Variants in TPTE2 observed in about 807,000 individuals in gnomAD.
TPTE2 encodes the protein phosphatidylinositol 3,4,5-trisphosphate 3-phosphatase TPTE2.
A neutral mutation model predicts 78.6 loss-of-function variants in TPTE2; 53 were observed. The ratio of observed to expected loss-of-function variants is 0.67; its 90% CI spans 0.54 to 0.85. The LOEUF (loss-of-function observed/expected upper bound fraction) is 0.85, where lower values mean the gene tolerates loss of function less well. Among genes scored for constraint, TPTE2 ranks in the 40% least tolerant of loss-of-function variants. TPTE2 has a pLI of 0.00. For synonymous variants in TPTE2, 175 were observed against 206.2 expected (o/e 0.85, Z 1.30); for missense variants, 461 against 623.0 (o/e 0.74, Z 2.77).
Position 19,440,777 on chromosome 13 carries a change from A to G in TPTE2, c.974-2624T>C, listed in dbSNP as rs144706119. Among the ~76,000 whole-genome samples, 515 of 151,718 alleles carry G rather than the reference A, an allele frequency of 3.4e-3. 4 individuals carry two copies. Among genetic ancestry groups the G allele is most frequent in the African/African-American group, 0.012 (489 of 41,342 alleles). On this transcript the variant is annotated intron_variant, in intron 13 of 19. Transcript: ENST00000400230. Reference sequence around the variant, plus strand: ...GCAAGACTCCATCTCAAAAACAAACAAGCAAACAAACAAACAAACAAAAAA... The same window carrying G: ...GCAAGACTCCATCTCAAAAACAAACGAGCAAACAAACAAACAAACAAAAAA...
intron 14 of TPTE2, among the ~76,000 whole-genome samples, chr13:19,437,082 C>A: frequency 7.1e-6 from 1 of 140,252 alleles, no homozygotes; most frequent in East Asian, 2.2e-4. Flanking sequence ...AATATTTAAA[C>A]CTTTTGATAT....
At chr13:19,554,307 G>A in the TPTE2 span, among the ~76,000 whole-genome samples, 4 of 151,926 alleles carry the variant, frequency 2.6e-5, no homozygotes, top group Middle Eastern at 3.4e-3. Flanking sequence ...CCCAGGAGGC[G>A]GAGCTTGCAG....
At chr13:19,424,302 T>C (rs1875843623) in intron 19 of TPTE2, among the ~76,000 whole-genome samples, 1 of 152,236 alleles carries the variant, frequency 6.6e-6, no homozygotes, top group African/African-American at 2.4e-5. Flanking sequence ...AGTGGAGAAC[T>C]TCTAGACTGA....
At chr13:19,470,627 G>A (rs1879552163) in intron 6 of TPTE2, among the ~76,000 whole-genome samples, 1 of 151,916 alleles carries the variant, frequency 6.6e-6, no homozygotes, top group Non-Finnish European at 1.5e-5. Context: ...CCAGGTTCAA[G>A]TGATTCTCCT....
chr13:19,482,400 T>A (rs1880412459), intron 4 of TPTE2, 88 bp downstream of exon 7: 1 of 1,481,196 alleles, frequency 6.8e-7, no homozygotes, highest in South Asian at 1.3e-5. Flanking sequence ...GTTTCCCTTT[T>A]TCCTTCTTGC....
intron 13 of TPTE2, among the ~76,000 whole-genome samples, chr13:19,446,812 T>C (rs1206777414): frequency 6.6e-6 from 1 of 151,986 alleles, no homozygotes; most frequent in East Asian, 1.9e-4. Context: ...ATGGTGATGC[T>C]CACCTGTAGT....
At chr13:19,529,050 G>C (rs112022381) in intron 1 of TPTE2, among the ~76,000 whole-genome samples, 2 of 152,158 alleles carry the variant, frequency 1.3e-5, no homozygotes, top group African/African-American at 4.8e-5. Context: ...ACCCAGAGGC[G>C]GGGGTTGCAG....
intron 4 of TPTE2, among the ~76,000 whole-genome samples, chr13:19,477,807 C>A (rs1218789268): frequency 1.3e-5 from 2 of 152,150 alleles, no homozygotes; most frequent in Non-Finnish European, 2.9e-5. Flanking sequence ...TATGTAAATG[C>A]AGCTTCAAGC....
At chr13:19,469,864 T>C (rs1174958557) in intron 6 of TPTE2, among the ~76,000 whole-genome samples, 2 of 152,234 alleles carry the variant, frequency 1.3e-5, no homozygotes, top group Admixed American at 1.3e-4. Context: ...GATTTTTGTA[T>C]ATTGATTTTG....
intron 1 of TPTE2, among the ~76,000 whole-genome samples, chr13:19,495,249 G>A (rs577846487): frequency 6.6e-6 from 1 of 152,300 alleles, no homozygotes; most frequent in South Asian, 2.1e-4. Flanking sequence ...GGTGGGTATG[G>A]GCAAAGGCAG....
chr13:19,482,537 G>A lies in TPTE2; in HGVS notation c.130C>T (p.Arg44Ter), dbSNP rs562416483. The change falls in exon 4 of 20, where the codon CGA (arginine) becomes TGA (stop). Residue 44 changes from arginine (R) to a stop codon, truncating the protein, a stop_gained. Coordinates refer to ENST00000400230, the Ensembl canonical transcript of TPTE2. LOFTEE classifies it high-confidence loss of function. ...TCTTCAACTTCAAACTTGGAAAGTC[G>A]TTCTAACATACTTTAGCCACCAAAA... 30 of 1,611,188 alleles carry A rather than the reference G, an allele frequency of 1.9e-5. No homozygotes were observed. The highest frequency in any genetic ancestry group is 6.7e-5 in the East Asian group (3 of 44,624).
chr13:19,454,685 T>C (rs537993154), intron 10 of TPTE2, among the ~76,000 whole-genome samples: 1 of 152,304 alleles, frequency 6.6e-6, no homozygotes, highest in African/African-American at 2.4e-5. Flanking sequence ...CCCAAGGAGA[T>C]AACAGTTTAA....
intron 6 of TPTE2, among the ~76,000 whole-genome samples, chr13:19,469,227 A>T (rs1879461803): frequency 6.6e-6 from 1 of 152,182 alleles, no homozygotes; most frequent in African/African-American, 2.4e-5. Context: ...GTCTAGGTGC[A>T]TTCTTCTGTA....
upstream of TPTE2, among the ~76,000 whole-genome samples, chr13:19,504,812 C>T (rs1265576292): frequency 6.6e-6 from 1 of 152,024 alleles, no homozygotes; most frequent in Non-Finnish European, 1.5e-5. Context: ...TAATCTTCAT[C>T]CCTCTTTCTG....
At chr13:19,549,315 C>T in the TPTE2 span, among the ~76,000 whole-genome samples, 2 of 152,010 alleles carry the variant, frequency 1.3e-5, no homozygotes, top group Non-Finnish European at 2.9e-5. Flanking sequence ...GAAGCAAAAA[C>T]AATCAACCCT....
At chr13:19,448,708 T>C (rs949648084) in intron 13 of TPTE2, among the ~76,000 whole-genome samples, 3 of 152,176 alleles carry the variant, frequency 2.0e-5, no homozygotes, top group Non-Finnish European at 2.9e-5. Context: ...TTGTACACTG[T>C]TGGTGTGAAT....
chr13:19,511,783 A>G (rs1010168899), intron 1 of TPTE2, among the ~76,000 whole-genome samples: 1 of 152,206 alleles, frequency 6.6e-6, no homozygotes, highest in Non-Finnish European at 1.5e-5. Flanking sequence ...TCATAGTAAT[A>G]GTGAATAAAT....
At chr13:19,456,508 A>G (rs1878545075) in intron 10 of TPTE2, among the ~76,000 whole-genome samples, 1 of 152,198 alleles carries the variant, frequency 6.6e-6, no homozygotes, top group Non-Finnish European at 1.5e-5. Context: ...TTATGTTCCT[A>G]CATACCAAGA....
At chr13:19,497,755 A>C (rs552803418) in intron 1 of TPTE2, among the ~76,000 whole-genome samples, 38 of 151,754 alleles carry the variant, frequency 2.5e-4, no homozygotes, top group South Asian at 8.4e-4. Context: ...CTCCTCCTCC[A>C]AAGGAACGCA....
Sources: allele counts gnomAD v4.1 joint callset (sites outside exome capture counted in the v4.1 genomes callset), GRCh38; gene constraint gnomAD v4.1.1; transcripts MANE v1.5; gene names NCBI Gene and HGNC (gene_info 2026-07-23, HGNC 2026-07-21).